SPIRE1: variants seen among roughly 807,000 people sequenced by gnomAD.
SPIRE1 encodes the protein protein spire homolog 1.
In SPIRE1, 40 loss-of-function variants were observed where a neutral mutation model predicts 94.1. That is an observed-to-expected ratio of 0.43 (90% CI 0.33 to 0.55). SPIRE1 has a LOEUF of 0.55. Ranked by LOEUF, SPIRE1 falls within the 20% of genes least tolerant of loss-of-function variation. The probability of loss-of-function intolerance (pLI) is 0.06; values close to 1 mark genes in which losing one functional copy is unlikely to be tolerated. For synonymous variants in SPIRE1, 376 were observed against 371.7 expected, an observed-to-expected ratio of 1.01 and a Z score of -0.13; for missense variants, 838 against 975.2, an observed-to-expected ratio of 0.86 and a Z score of 1.87.
intron 4 of SPIRE1, among the ~76,000 whole-genome samples, chr18:12,528,555 C>T (rs570298292): frequency 6.6e-6 from 1 of 152,250 alleles, no homozygotes; most frequent in South Asian, 2.1e-4. Context: ...CACCAGCACA[C>T]ATAGGGCAGG....
intron 4 of SPIRE1, among the ~76,000 whole-genome samples, chr18:12,521,001 G>GCA (rs2034341284): frequency 6.6e-6 from 1 of 152,134 alleles, no homozygotes; most frequent in East Asian, 1.9e-4. Flanking sequence ...CTACTGGCTT[G>GCA]ATAAGAGATT....
intron 3 of SPIRE1, 60 bp from the exon 4 acceptor site, chr18:12,535,661 T>C (rs2034818568): frequency 6.6e-7 from 1 of 1,521,764 alleles, no homozygotes; most frequent in African/African-American, 1.4e-5. Flanking sequence ...TTTTTGTACT[T>C]AAAAACAGAC....
chr18:12,580,350 G>GTC (rs933966586), intron 2 of SPIRE1, among the ~76,000 whole-genome samples: 22 of 151,982 alleles, frequency 1.4e-4, no homozygotes, highest in African/African-American at 5.1e-4. Context: ...GGGAGATGGA[G>GTC]TCTCGCTCTG....
At chr18:12,522,612 GT>G (rs1450190612) in intron 4 of SPIRE1, among the ~76,000 whole-genome samples, 2 of 152,222 alleles carry the variant, frequency 1.3e-5, no homozygotes, top group Non-Finnish European at 2.9e-5. Flanking sequence ...AGAGAAATCA[GT>G]GCTTGGCTTC....
chr18:12,501,730 G>A (rs1210278937), intron 6 of SPIRE1, among the ~76,000 whole-genome samples: 2 of 152,336 alleles, frequency 1.3e-5, no homozygotes. Context: ...GAAGGCGGAG[G>A]TGAGAGGACT....
intron 2 of SPIRE1, among the ~76,000 whole-genome samples, chr18:12,593,256 T>G (rs2036582829): frequency 6.6e-6 from 1 of 152,224 alleles, no homozygotes; most frequent in South Asian, 2.1e-4. Context: ...GATGTGAGAA[T>G]TACTAACATT....
chr18:12,565,782 TC>T (rs2035801989), intron 2 of SPIRE1, among the ~76,000 whole-genome samples: 1 of 151,800 alleles, frequency 6.6e-6, no homozygotes, highest in South Asian at 2.1e-4. Context: ...ACGCCTGTAA[TC>T]CCAGGAATTT....
At chr18:12,577,233 C>T (rs148780017) in intron 2 of SPIRE1, among the ~76,000 whole-genome samples, 7 of 141,418 alleles carry the variant, frequency 4.9e-5, no homozygotes, top group Middle Eastern at 3.7e-3. Context: ...CTGCAAGCTC[C>T]GCCTCCCAGG....
At chr18:12,592,572 G>A (rs994416348) in intron 2 of SPIRE1, among the ~76,000 whole-genome samples, 2 of 152,172 alleles carry the variant, frequency 1.3e-5, no homozygotes, top group Admixed American at 1.3e-4. Flanking sequence ...CTACAGCCCT[G>A]GTCTGCAGAC....
chr18:12,584,303 G>A (rs564334133), intron 2 of SPIRE1, among the ~76,000 whole-genome samples: 25 of 151,832 alleles, frequency 1.6e-4, no homozygotes, highest in Non-Finnish European at 3.2e-4. Flanking sequence ...GGTGGTGCAC[G>A]CCTGTAGTCC....
At position 12,464,805 on chromosome 18, in the gene SPIRE1, C is replaced by G. The variant is rs1035449804; in HGVS notation, c.1495+63G>C. ...CACAGGGCGCTCTGGGATCTCTGCTCTAGGTCAAGTGTGTTTTGTAGTAAG... is the reference window on the plus strand; with the variant it reads ...CACAGGGCGCTCTGGGATCTCTGCTGTAGGTCAAGTGTGTTTTGTAGTAAG... On this transcript the variant is annotated intron_variant, in intron 11 of 16. Coordinates refer to ENST00000409402, the MANE Select transcript of SPIRE1 (RefSeq NM_001128626.2). 6 of 1,400,142 alleles carry G rather than the reference C, an allele frequency of 4.3e-6. No homozygotes were observed. In the African/African-American group the frequency reaches 7.1e-5, roughly 17 times the overall value. The allele number at this position is 1,400,142 out of a possible 1,614,324, so 86.7% of individuals were successfully genotyped here.
intron 10 of SPIRE1, among the ~76,000 whole-genome samples, chr18:12,469,235 C>T (rs749800019): frequency 6.6e-6 from 1 of 151,938 alleles, no homozygotes; most frequent in Non-Finnish European, 1.5e-5. Context: ...CTGAGTCTTG[C>T]TCATTCACCC....
intron 9 of SPIRE1, among the ~76,000 whole-genome samples, chr18:12,484,336 A>AT (rs924965184): frequency 6.6e-6 from 1 of 152,212 alleles, no homozygotes; most frequent in Non-Finnish European, 1.5e-5. Flanking sequence ...TCCAGACCAA[A>AT]TTTTTTACAA....
intron 2 of SPIRE1, among the ~76,000 whole-genome samples, chr18:12,556,910 C>T (rs2035530894): frequency 6.6e-6 from 1 of 151,720 alleles, no homozygotes; most frequent in Admixed American, 6.6e-5. Context: ...TTCCCTTATC[C>T]GACCCCACCC....
intron 2 of SPIRE1, among the ~76,000 whole-genome samples, chr18:12,627,885 C>T (rs1292881389): frequency 3.3e-5 from 5 of 151,208 alleles, no homozygotes; most frequent in Non-Finnish European, 7.4e-5. Context: ...ATATCCTTTG[C>T]CCACTTTTTG....
Position 12,544,877 on chromosome 18 carries a change from C to G in SPIRE1, c.603+1797G>C, listed in dbSNP as rs2035117669. The stretch of plus-strand genomic sequence containing the variant: ...CAAACCTGTAGTTTAAGACAGCAAT[C>G]TGGCTATGACATGTTACATTACTGG... On this transcript the variant is annotated intron_variant, in intron 3 of 16. Transcript: ENST00000409402. Among the ~76,000 whole-genome samples the G allele has an allele frequency of 2.0e-5, 3 of 152,158 alleles. No individual in the cohort carries two copies. In the South Asian group the frequency reaches 6.2e-4, roughly 31 times the overall value.
intron 6 of SPIRE1, among the ~76,000 whole-genome samples, chr18:12,500,732 AT>A (rs910796050): frequency 2.0e-5 from 3 of 152,104 alleles, no homozygotes; most frequent in Non-Finnish European, 2.9e-5. Context: ...CCAAATGTCC[AT>A]TTGGGTCATG....
intron 1 of SPIRE1, among the ~76,000 whole-genome samples, chr18:12,652,646 G>T (rs1341273339): frequency 6.6e-6 from 1 of 151,778 alleles, no homozygotes; most frequent in Non-Finnish European, 1.5e-5. Context: ...TAGCAATTTG[G>T]CTCTAAGTTT....
At chr18:12,646,398 G>T (rs939390184) in intron 1 of SPIRE1, among the ~76,000 whole-genome samples, 4 of 152,094 alleles carry the variant, frequency 2.6e-5, no homozygotes, top group Non-Finnish European at 5.9e-5. Flanking sequence ...CTTCTTGAAG[G>T]TATGAGTGCA....
Sources: allele counts gnomAD v4.1 joint callset (sites outside exome capture counted in the v4.1 genomes callset), GRCh38; gene constraint gnomAD v4.1.1; transcripts MANE v1.5; gene names NCBI Gene and HGNC (gene_info 2026-07-23, HGNC 2026-07-21).